ELOVL2: variants seen among roughly 807,000 people sequenced by gnomAD.
ELOVL2 encodes very long chain fatty acid elongase 2.
Under a neutral mutation model 37.7 loss-of-function variants are expected in ELOVL2, and 38 were observed. That is an observed-to-expected ratio of 1.01 (90% CI 0.78 to 1.32). The LOEUF is 1.32. Among genes scored for constraint, ELOVL2 ranks in the 40% most tolerant of loss-of-function variants. The probability of loss-of-function intolerance (pLI) is 0.00; values close to 1 mark genes in which losing one functional copy is unlikely to be tolerated. For synonymous variants in ELOVL2, 115 were observed against 122.3 expected, an observed-to-expected ratio of 0.94 and a Z score of 0.40; for missense variants, 352 against 363.6, an observed-to-expected ratio of 0.97 and a Z score of 0.26.
chr6:11,020,901 A>G (rs1417969716), intron 1 of ELOVL2, among the ~76,000 whole-genome samples: 1 of 152,222 alleles, frequency 6.6e-6, no homozygotes, highest in Non-Finnish European at 1.5e-5. Context: ...AACACAGTAC[A>G]GAGCTCAGTG....
At chr6:11,021,293 T>C (rs1045222721) in intron 1 of ELOVL2, among the ~76,000 whole-genome samples, 1 of 152,236 alleles carries the variant, frequency 6.6e-6, no homozygotes, top group African/African-American at 2.4e-5. Flanking sequence ...TGGCCCCCCT[T>C]GTTCTCCCAA....
intron 1 of ELOVL2, among the ~76,000 whole-genome samples, chr6:11,024,977 G>A (rs1006707346): frequency 3.3e-5 from 5 of 152,190 alleles, no homozygotes; most frequent in African/African-American, 4.8e-5. Context: ...AGAAGGGATA[G>A]ATTACCGCCC....
At chr6:11,005,209 A>T (rs970729402) in intron 3 of ELOVL2, among the ~76,000 whole-genome samples, 163 bp downstream of exon 3, 2 of 152,198 alleles carry the variant, frequency 1.3e-5, no homozygotes, top group Non-Finnish European at 2.9e-5. Flanking sequence ...TCAAGTTATA[A>T]ACAAGGACTT....
At chr6:10,988,181 C>T (rs922714827) in intron 7 of ELOVL2, among the ~76,000 whole-genome samples, 2 of 152,206 alleles carry the variant, frequency 1.3e-5, no homozygotes, top group African/African-American at 4.8e-5. Context: ...CAAAGGAAAC[C>T]TTTATCTCTT....
intron 1 of ELOVL2, among the ~76,000 whole-genome samples, chr6:11,020,342 T>C (rs1463679006): frequency 4.6e-5 from 7 of 152,202 alleles, no homozygotes; most frequent in Non-Finnish European, 2.9e-5. Flanking sequence ...TTTCATCAAA[T>C]ACTTATTATT....
At chr6:11,018,579 T>A (rs1321536) in intron 1 of ELOVL2, among the ~76,000 whole-genome samples, 87 of 152,106 alleles carry the variant, frequency 5.7e-4, no homozygotes, top group South Asian at 3.7e-3. Flanking sequence ...TCTTGTTAAC[T>A]TACAGGTTCT....
chr6:10,986,325 T>C (rs1013389553), intron 7 of ELOVL2, among the ~76,000 whole-genome samples: 1 of 152,230 alleles, frequency 6.6e-6, no homozygotes, highest in Admixed American at 6.5e-5. Context: ...CTTTTCCTAA[T>C]TGAATACCCT....
In ELOVL2 at chr6:10,995,123, G is replaced by T. The variant is rs1561715235; in HGVS notation, c.389C>A (p.Thr130Lys). The T allele has an allele frequency of 1.2e-6, 2 of 1,613,564 alleles. No homozygotes were observed. The highest frequency in any genetic ancestry group is 1.7e-6 in the Non-Finnish European group (2 of 1,179,612). The change falls in exon 5 of 8, where the codon ACA becomes AAA. Residue 130 changes from threonine (T) to lysine (K), a missense_variant. Transcript: ENST00000354666. Reference protein sequence around the residue: ...YFSKSVEFLDTIFFVLRKKTS... With the variant: ...YFSKSVEFLDKIFFVLRKKTS... Reference sequence around the variant, plus strand: ...TTTTTTCCGCAAAACGAAGAAAATTGTGTCCAGGAACTCTACTGATTTGGA... The same window carrying T: ...TTTTTTCCGCAAAACGAAGAAAATTTTGTCCAGGAACTCTACTGATTTGGA...
At chr6:10,997,497 AT>A (rs1303958975) in intron 4 of ELOVL2, among the ~76,000 whole-genome samples, 1 of 152,200 alleles carries the variant, frequency 6.6e-6, no homozygotes, top group Non-Finnish European at 1.5e-5. Context: ...TTGGTTTGAA[AT>A]GGTTTTTAAG....
At chr6:11,028,359 C>G (rs1223371909) in intron 1 of ELOVL2, among the ~76,000 whole-genome samples, 1 of 152,170 alleles carries the variant, frequency 6.6e-6, no homozygotes, top group African/African-American at 2.4e-5. Flanking sequence ...ACTCTTTAGT[C>G]TGGCCACTGT....
Position 10,989,828 on chromosome 6 carries a change from C to G in ELOVL2, c.640G>C (p.Val214Leu). 2 of 1,614,078 alleles carry G rather than the reference C, an allele frequency of 1.2e-6. No homozygotes were observed. Among genetic ancestry groups the G allele is most frequent in the Non-Finnish European group, 8.5e-7 (1 of 1,180,006 alleles). The change falls in exon 7 of 8, where the codon GTG becomes CTG. Residue 214 changes from valine (V) to leucine (L), a missense_variant. Coordinates refer to ENST00000354666, the MANE Select transcript of ELOVL2 (RefSeq NM_017770.4). ...YLTQAQLVQF[V>L]LTITHTMSAV... ...CTCATGGTGTGCGTGATGGTGAGCA[C>G]GAACTGCACCTGGGGACGGCAGAGA...
chr6:11,015,386 A>C (rs1561723302), intron 1 of ELOVL2, among the ~76,000 whole-genome samples: 1 of 152,310 alleles, frequency 6.6e-6, no homozygotes, highest in East Asian at 1.9e-4. Context: ...AAGACAACCA[A>C]AAATGGATCT....
chr6:11,011,780 G>A (rs1782586977), intron 1 of ELOVL2, among the ~76,000 whole-genome samples: 1 of 152,104 alleles, frequency 6.6e-6, no homozygotes, highest in Non-Finnish European at 1.5e-5. Flanking sequence ...TGCCAGCATG[G>A]TCTGCTCTCA....
intron 2 of ELOVL2, 56 bp from the exon 3 acceptor site, chr6:11,005,615 T>C: frequency 1.4e-6 from 2 of 1,414,026 alleles, no homozygotes; most frequent in South Asian, 2.6e-5. Context: ...TGTTTAGTCA[T>C]CAGTATTGTC....
At chr6:11,039,615 AAAAT>A (rs1484736413) in intron 1 of ELOVL2, among the ~76,000 whole-genome samples, 2 of 147,496 alleles carry the variant, frequency 1.4e-5, no homozygotes, top group East Asian at 1.9e-4. Context: ...TTTGAAACAT[AAAAT>A]AAATAGTCAT....
In ELOVL2 at chr6:11,010,735, A is replaced by G. The variant is rs371640231; in HGVS notation, c.67+11T>C. ...TTCCTTCCACATTAAGTTCTCAAGT[A>G]ATTCACTGACCTCGCGGTCCAAACA... On this transcript the variant is annotated intron_variant, in intron 2 of 7. Transcript: ENST00000354666. 6.2e-7 allele frequency: 1 copy of G among 1,608,768 alleles called. No homozygotes were observed. The highest frequency in any genetic ancestry group is 1.7e-4 in the Middle Eastern group (1 of 6,060).
chr6:10,999,925 A>C (rs1353775250), intron 4 of ELOVL2, among the ~76,000 whole-genome samples, 162 bp downstream of exon 4: 2 of 152,170 alleles, frequency 1.3e-5, no homozygotes, highest in Non-Finnish European at 2.9e-5. Flanking sequence ...TCCTCTATAG[A>C]GGGATAGTTG....
At chr6:11,007,636 T>C (rs546450069) in intron 2 of ELOVL2, among the ~76,000 whole-genome samples, 29 of 152,332 alleles carry the variant, frequency 1.9e-4, no homozygotes, top group African/African-American at 7.0e-4. Context: ...TGTGGCACTT[T>C]TTATGGCAGC....
chr6:11,039,339 C>T (rs1256142803), intron 1 of ELOVL2, among the ~76,000 whole-genome samples: 4 of 152,120 alleles, frequency 2.6e-5, no homozygotes, highest in African/African-American at 9.7e-5. Context: ...AGGAAGGTGC[C>T]CTGTTTCTTA....
Sources: allele counts gnomAD v4.1 joint callset (sites outside exome capture counted in the v4.1 genomes callset), GRCh38; gene constraint gnomAD v4.1.1; transcripts MANE v1.5; gene names NCBI Gene and HGNC (gene_info 2026-07-23, HGNC 2026-07-21).